The following GTPBP4 variants were observed in gnomAD, a reference collection of about 807,000 sequenced individuals.
GTPBP4 encodes GTP binding protein 4.
Under a neutral mutation model 81.7 loss-of-function variants are expected in GTPBP4, and 15 were observed. The ratio of observed to expected loss-of-function variants is 0.18; its 90% CI spans 0.12 to 0.28. GTPBP4 has a LOEUF of 0.28. Ranked by LOEUF, GTPBP4 falls within the 10% of genes least tolerant of loss-of-function variation. GTPBP4 has a pLI of 1.00. For missense variants in GTPBP4, 847 were observed against 793.8 expected, an observed-to-expected ratio of 1.07 and a Z score of -0.81; for synonymous variants, 272 against 274.6, an observed-to-expected ratio of 0.99 and a Z score of 0.09.
At position 1,004,265 on chromosome 10, in the gene GTPBP4, CA is replaced by C. The variant is rs547044959; in HGVS notation, c.913-1552del. Among the ~76,000 whole-genome samples, 11 of 152,232 alleles carry C rather than the reference CA, an allele frequency of 7.2e-5. No individual in the cohort carries two copies. The East Asian group carries it at 2.1e-3, about 29-fold the overall frequency. On this transcript the variant is annotated intron_variant, in intron 8 of 16. Transcript: ENST00000360803. ...GCAAGGACCCCAGAATGGACTAGTC[CA>C]GCTGTCATTTGGGCCCTAGAGGACA...
At chr10:1,010,598 C>T (rs1321386293) in intron 13 of GTPBP4, 78 bp downstream of exon 13, 23 of 842,866 alleles carry the variant, frequency 2.7e-5, no homozygotes, top group Non-Finnish European at 4.0e-5. Context: ...AGCATGGCTT[C>T]GGCTCAGCTG....
intron 5 of GTPBP4, among the ~76,000 whole-genome samples, chr10:998,339 A>G (rs1347421564): frequency 1.3e-5 from 2 of 152,212 alleles, no homozygotes; most frequent in African/African-American, 4.8e-5. Flanking sequence ...AGCTCAAGCC[A>G]TCCTCCTGCC....
rs542616713 is a variant in GTPBP4 at position 997,049 on chromosome 10, A to C, written c.461-159A>C. The C allele has an allele frequency of 7.3e-5, 47 of 642,780 alleles. 1 individual carries two copies. The highest frequency in any genetic ancestry group is 6.4e-4 in the African/African-American group (35 of 55,036). The allele number at this position is 642,780 out of a possible 1,614,324, so 39.8% of individuals were successfully genotyped here. Reference sequence around the variant, plus strand: ...CAATTGAATATACTATGTGTATACTATTACTTTCTGCAACTATTTTCTCCA... The same window carrying C: ...CAATTGAATATACTATGTGTATACTCTTACTTTCTGCAACTATTTTCTCCA... On this transcript the variant is annotated intron_variant, in intron 4 of 16. Coordinates refer to ENST00000360803, the MANE Select transcript of GTPBP4 (RefSeq NM_012341.3).
At chr10:1,014,141 ATAT>A in intron 14 of GTPBP4, 103 bp from the exon 15 acceptor site, 1 of 645,742 alleles carries the variant, frequency 1.5e-6, no homozygotes, top group East Asian at 3.1e-5. Context: ...TAAAATAAGT[ATAT>A]TATAATTGTT....
intron 14 of GTPBP4, among the ~76,000 whole-genome samples, chr10:1,013,651 A>G (rs184377433): frequency 6.6e-6 from 1 of 152,292 alleles, no homozygotes; most frequent in East Asian, 1.9e-4. Flanking sequence ...CTCTTTAGCA[A>G]TTTACAGAAA....
In GTPBP4 at chr10:1,017,230, T is replaced by A; in HGVS notation, c.*3T>A. The A allele has an allele frequency of 6.2e-7, 1 of 1,613,182 alleles. No homozygotes were observed. The highest frequency in any genetic ancestry group is 8.5e-7 in the Non-Finnish European group (1 of 1,179,420). ...CTGGTAAAAAGGACAGGAGATAGTA[T>A]CCGTTTGGTTGGCGTGGCTTCGCTA... On this transcript the variant is annotated 3_prime_UTR_variant, in exon 17 of 17. Coordinates refer to ENST00000360803, the MANE Select transcript of GTPBP4 (RefSeq NM_012341.3).
chr10:1,000,458 C>T (rs568043452), intron 6 of GTPBP4, among the ~76,000 whole-genome samples: 3 of 151,496 alleles, frequency 2.0e-5, no homozygotes, highest in East Asian at 1.9e-4. Flanking sequence ...AGGATGGTCT[C>T]GATCTCCTGA....
At position 1,009,652 on chromosome 10, in the gene GTPBP4, G is replaced by T; in HGVS notation, c.1243+72G>T. ...GAAGTATTTCAGAAAATGGGGGAAA[G>T]ACTTTAATAAGTAATAAAAGTGTTT... On this transcript the variant is annotated intron_variant, in intron 12 of 16. Coordinates refer to ENST00000360803, the MANE Select transcript of GTPBP4 (RefSeq NM_012341.3). 9.2e-6 allele frequency: 8 copies of T among 873,806 alleles called. No individual in the cohort carries two copies. In the South Asian group the frequency reaches 9.4e-5, roughly 10 times the overall value. 54.1% of individuals were successfully genotyped at this position (873,806 alleles called of 1,614,324 possible). A position where few individuals can be genotyped will look rare whatever the true frequency, so the allele number is the denominator to read the frequency against.
At chr10:996,616 A>G (rs529641815) in intron 4 of GTPBP4, 1 of 163,272 alleles carries the variant, frequency 6.1e-6, no homozygotes, top group African/African-American at 2.4e-5. Context: ...TGTTGAAACA[A>G]TTACTTGCTT....
At position 1,000,737 on chromosome 10, in the gene GTPBP4, C is replaced by G; in HGVS notation, c.715C>G (p.Gln239Glu). ...PLEDRNTIEMQAITALAHLRA... is the reference protein window; with the variant it reads ...PLEDRNTIEMEAITALAHLRA... ...GGAGGATAGGAACACCATCGAGATG[C>G]AGGCCATCACTGCCCTGGCCCACCT... is the stretch of plus-strand genomic sequence containing the variant. The change falls in exon 7 of 17, where the codon CAG (glutamine) becomes GAG (glutamate). Residue 239 changes from glutamine (Q) to glutamate (E), a missense_variant. Transcript: ENST00000360803. 1.0e-5 allele frequency: 16 copies of G among 1,589,910 alleles called. No homozygotes were observed. Among genetic ancestry groups the G allele is most frequent in the Non-Finnish European group, 1.4e-5 (16 of 1,168,114 alleles).
At chr10:1,002,205 G>A (rs1349637993) in intron 8 of GTPBP4, among the ~76,000 whole-genome samples, 5 of 152,158 alleles carry the variant, frequency 3.3e-5, no homozygotes, top group Non-Finnish European at 5.9e-5. Context: ...TTATAGGCGT[G>A]AGCCACTGCG....
chr10:996,310 T>A (rs999380833), intron 4 of GTPBP4, 68 bp downstream of exon 4: 3 of 1,374,682 alleles, frequency 2.2e-6, no homozygotes, highest in African/African-American at 2.9e-5. Context: ...TGTTGAGGAC[T>A]TGAGATGTCT....
chr10:1,002,494 T>C (rs1167114045), intron 8 of GTPBP4, among the ~76,000 whole-genome samples: 1 of 152,242 alleles, frequency 6.6e-6, no homozygotes, highest in African/African-American at 2.4e-5. Flanking sequence ...TCTTTACAGG[T>C]TAAGTGAATT....
rs531064521 is a variant in GTPBP4, at chr10:997,245, G to A, written c.498G>A (p.Pro166=). 7.5e-6 allele frequency: 12 copies of A among 1,608,652 alleles called. No individual in the cohort carries two copies. The highest frequency in any genetic ancestry group is 4.5e-5 in the East Asian group (2 of 44,872). Residue 166 remains proline (P), a synonymous_variant, in exon 5 of 17, where the codon CCG becomes CCA. Transcript: ENST00000360803. ...QHLSRLPTID[P]NTRTLLLCGY... ...TATCCCGTTTGCCAACCATTGATCC[G>A]AATACCAGGACCCTGCTTTTGTGTG... is the stretch of plus-strand genomic sequence containing the variant.
chr10:1,002,201 G>A (rs1831647520), intron 8 of GTPBP4, among the ~76,000 whole-genome samples: 1 of 152,160 alleles, frequency 6.6e-6, no homozygotes, highest in East Asian at 1.9e-4. Flanking sequence ...GGGATTATAG[G>A]CGTGAGCCAC....
At chr10:994,752 CT>C (rs1831509004) in intron 2 of GTPBP4, among the ~76,000 whole-genome samples, 1 of 152,140 alleles carries the variant, frequency 6.6e-6, no homozygotes, top group Non-Finnish European at 1.5e-5. Context: ...TTCTATTACT[CT>C]TTTTAAAGCC....
chr10:990,032 C>T (rs1175443655), intron 1 of GTPBP4, among the ~76,000 whole-genome samples: 1 of 152,168 alleles, frequency 6.6e-6, no homozygotes, highest in Non-Finnish European at 1.5e-5. Flanking sequence ...CTACTGTGCC[C>T]AGCCAGATTG....
At chr10:1,012,749 C>A (rs762861151) in intron 14 of GTPBP4, 87 bp downstream of exon 14, 1 of 863,514 alleles carries the variant, frequency 1.2e-6, no homozygotes, top group Admixed American at 2.5e-5. Flanking sequence ...AACTTTTCAA[C>A]CCATTTATGG....
chr10:1,014,906 G>A lies in GTPBP4; in HGVS notation c.1608+594G>A, dbSNP rs376133859. Among the ~76,000 whole-genome samples, 13 of 151,438 alleles carry A rather than the reference G, an allele frequency of 8.6e-5. No individual in the cohort carries two copies. In the South Asian group the frequency reaches 2.5e-3, roughly 29 times the overall value. ...AAAAAAAAAGCTCCACAGCCAGCAC[G>A]AGACAGCACCATGACGTGCCCAGGG... On this transcript the variant is annotated intron_variant, in intron 15 of 16. Coordinates refer to ENST00000360803, the MANE Select transcript of GTPBP4 (RefSeq NM_012341.3).
Sources: gnomAD v4.1 joint callset for allele counts (sites outside exome capture counted in the v4.1 genomes callset) on GRCh38, gnomAD v4.1.1 for gene constraint, MANE v1.5 for transcripts, NCBI Gene and HGNC (gene_info 2026-07-23, HGNC 2026-07-21) for gene names.